Variants in NUMA1 observed in about 807,000 individuals in gnomAD.
NUMA1 encodes nuclear mitotic apparatus protein 1.
Under a neutral mutation model 237.1 loss-of-function variants are expected in NUMA1, and 62 were observed. The ratio of observed to expected loss-of-function variants is 0.26; its 90% CI spans 0.21 to 0.32. The LOEUF (loss-of-function observed/expected upper bound fraction) is 0.32. Among genes scored for constraint, NUMA1 ranks in the 10% least tolerant of loss-of-function variants. NUMA1 has a pLI of 1.00. For synonymous variants in NUMA1, 1,028 were observed against 1,066.1 expected, an observed-to-expected ratio of 0.96 and a Z score of 0.70; for missense variants, 2,533 against 2,666.5, an observed-to-expected ratio of 0.95 and a Z score of 1.10.
intron 8 of NUMA1, among the ~76,000 whole-genome samples, chr11:72,019,891 G>A (rs1439488480): frequency 6.6e-6 from 1 of 152,178 alleles, no homozygotes; most frequent in Non-Finnish European, 1.5e-5. Flanking sequence ...CTCTGGCTCA[G>A]AAACTGCACC....
chr11:72,064,495 A>G (rs1280284273), intron 2 of NUMA1, among the ~76,000 whole-genome samples: 1 of 152,074 alleles, frequency 6.6e-6, no homozygotes, highest in Non-Finnish European at 1.5e-5. Flanking sequence ...GTTTTAAATA[A>G]TTTTAATGAC....
chr11:72,052,786 G>A (rs1026136337), intron 2 of NUMA1, among the ~76,000 whole-genome samples: 10 of 152,104 alleles, frequency 6.6e-5, no homozygotes, highest in African/African-American at 1.9e-4. Context: ...AAAAAACAAG[G>A]GTAAGTAATA....
Position 72,040,887 on chromosome 11 carries a change from C to T in NUMA1, c.-32-4912G>A, listed in dbSNP as rs1404265737. 5 of 151,936 alleles carry T rather than the reference C, an allele frequency of 3.3e-5. No individual in the cohort carries two copies. The East Asian group carries it at 9.7e-4, about 30-fold the overall frequency. 9.4% of individuals were successfully genotyped at this position (151,936 alleles called of 1,614,324 possible). A position where few individuals can be genotyped will look rare whatever the true frequency, so the allele number is the denominator to read the frequency against. ...TGAGGGGGGAGAATCCACCCCACCC[C>T]CTCGTCCATGTTTGAACAAAAACCC... On this transcript the variant is annotated intron_variant, in intron 2 of 26. Coordinates refer to ENST00000393695, the MANE Select transcript of NUMA1 (RefSeq NM_006185.4).
intron 8 of NUMA1, 84 bp downstream of exon 8, chr11:72,021,120 A>G: frequency 8.9e-7 from 1 of 1,121,076 alleles, no homozygotes; most frequent in South Asian, 1.3e-5. Flanking sequence ...ACAGAAACAA[A>G]CCCCCACCAT....
At chr11:72,070,100 G>C (rs1403123971) in intron 1 of NUMA1, 189 bp from the exon 2 acceptor site, 1 of 152,206 alleles carries the variant, frequency 6.6e-6, no homozygotes, top group African/African-American at 2.4e-5. Flanking sequence ...CACTGGGGCA[G>C]AAATTCTGGC....
intron 20 of NUMA1, chr11:72,007,711 C>T (rs1590867649): frequency 1.0e-5 from 5 of 494,452 alleles, no homozygotes; most frequent in South Asian, 4.5e-5. Flanking sequence ...ACAGCAAACA[C>T]GTCCCAATCT....
At chr11:72,071,017 A>G (rs1246741639) in intron 1 of NUMA1, among the ~76,000 whole-genome samples, 4 of 152,226 alleles carry the variant, frequency 2.6e-5, no homozygotes, top group Admixed American at 2.0e-4. Flanking sequence ...AGAGCTCTAC[A>G]CCATTAGGCT....
At chr11:72,006,295 C>G (rs749642906) in intron 21 of NUMA1, 32 bp from the exon 22 acceptor site, 1 of 1,584,644 alleles carries the variant, frequency 6.3e-7, no homozygotes, top group South Asian at 1.1e-5. Flanking sequence ...TTGCAGTGTA[C>G]AGTCCCTGGC....
chr11:72,038,845 C>T (rs868228739), intron 2 of NUMA1, among the ~76,000 whole-genome samples: 1 of 151,878 alleles, frequency 6.6e-6, no homozygotes, highest in African/African-American at 2.4e-5. Context: ...TCTGAGGGCA[C>T]CTTTGGAGTT....
chr11:72,077,069 T>C (rs567868282), intron 1 of NUMA1, among the ~76,000 whole-genome samples: 5 of 152,144 alleles, frequency 3.3e-5, no homozygotes, highest in South Asian at 4.1e-4. Flanking sequence ...TACTAGAAGA[T>C]AGATATAAGG....
At chr11:72,048,756 A>T (rs1942146961) in intron 2 of NUMA1, among the ~76,000 whole-genome samples, 1 of 152,150 alleles carries the variant, frequency 6.6e-6, no homozygotes, top group Non-Finnish European at 1.5e-5. Flanking sequence ...AGGATCCGAG[A>T]GCTTTACAAA....
At chr11:72,012,781 G>A (rs1956240245) in intron 15 of NUMA1, 114 bp downstream of exon 15, 3 of 1,423,560 alleles carry the variant, frequency 2.1e-6, no homozygotes, top group Non-Finnish European at 2.8e-6. Flanking sequence ...CCCAGTGAAT[G>A]AGGAAAGGCA....
chr11:72,037,839 G>T (rs575210462), intron 2 of NUMA1, among the ~76,000 whole-genome samples: 4 of 152,164 alleles, frequency 2.6e-5, no homozygotes, highest in Admixed American at 2.6e-4. Context: ...AGGGGCTTAT[G>T]TTCCTCAGTC....
At chr11:72,068,816 C>A (rs540384137) in intron 2 of NUMA1, among the ~76,000 whole-genome samples, 3 of 152,342 alleles carry the variant, frequency 2.0e-5, no homozygotes, top group African/African-American at 7.2e-5. Flanking sequence ...CAAAACACTT[C>A]TTTGGGAGCT....
chr11:72,028,961 C>G (rs556149101), intron 4 of NUMA1, among the ~76,000 whole-genome samples: 2 of 152,276 alleles, frequency 1.3e-5, no homozygotes, highest in African/African-American at 4.8e-5. Flanking sequence ...TGGAGGTTCT[C>G]CTGTGCAAGA....
intron 3 of NUMA1, among the ~76,000 whole-genome samples, chr11:72,029,832 A>G (rs191228808): frequency 7.9e-5 from 12 of 152,238 alleles, no homozygotes; most frequent in African/African-American, 2.9e-4. Context: ...CCACAAACAT[A>G]TAAAATCTTA....
rs568408229 is a variant in NUMA1, at chr11:72,045,139, T to C, written c.-32-9164A>G. 3.9e-5 allele frequency among the ~76,000 whole-genome samples: 6 copies of C among 152,100 alleles called. No individual in the cohort carries two copies. The South Asian group carries it at 1.2e-3, about 32-fold the overall frequency. ...TCTCTCTGTGATCCCCCATAACACC[T>C]AGCACACTAGGGCTCCTTAAATCTG... On this transcript the variant is annotated intron_variant, in intron 2 of 26. Transcript: ENST00000393695.
intron 1 of NUMA1, among the ~76,000 whole-genome samples, chr11:72,074,563 A>G (rs2136323445): frequency 6.6e-6 from 1 of 152,060 alleles, no homozygotes; most frequent in South Asian, 2.1e-4. Flanking sequence ...ACATAGTGAG[A>G]CCTCGTCTCT....
intron 1 of NUMA1, chr11:72,076,427 G>A (rs1180845220): frequency 6.6e-6 from 1 of 152,130 alleles, no homozygotes; most frequent in African/African-American, 2.4e-5. Flanking sequence ...ACATTAATAT[G>A]TAGTGAAAAA....
Sources: allele counts gnomAD v4.1 joint callset (sites outside exome capture counted in the v4.1 genomes callset), GRCh38; gene constraint gnomAD v4.1.1; transcripts MANE v1.5; gene names NCBI Gene and HGNC (gene_info 2026-07-23, HGNC 2026-07-21).